The following FGF14 variants were observed in gnomAD, a reference collection of about 807,000 sequenced individuals.
FGF14 encodes fibroblast growth factor 14, also known as fibroblast growth factor homologous factor 4.
In FGF14, 5 loss-of-function variants were observed where a neutral mutation model predicts 25.5. The ratio of observed to expected loss-of-function variants is 0.20; its 90% CI spans 0.10 to 0.41. The LOEUF is 0.41. Ranked by LOEUF, FGF14 falls within the 10% of genes least tolerant of loss-of-function variation. FGF14 has a pLI of 1.00. For synonymous variants in FGF14, 138 were observed against 118.3 expected, an observed-to-expected ratio of 1.17 and a Z score of -1.08; for missense variants, 222 against 320.1, an observed-to-expected ratio of 0.69 and a Z score of 2.34.
chr13:101,972,126 A>G (rs2037633773), intron 1 of FGF14, among the ~76,000 whole-genome samples: 1 of 152,252 alleles, frequency 6.6e-6, no homozygotes, highest in African/African-American at 2.4e-5. Context: ...AATCAGACTC[A>G]GTACAATGGC....
At chr13:102,392,154 C>T (rs1216562562) in intron 1 of FGF14, among the ~76,000 whole-genome samples, 1 of 152,208 alleles carries the variant, frequency 6.6e-6, no homozygotes, top group South Asian at 2.1e-4. Flanking sequence ...GTGCAGACAA[C>T]AAAATGCTAC....
chr13:102,246,955 T>A (rs1386505906), intron 1 of FGF14, among the ~76,000 whole-genome samples: 1 of 152,022 alleles, frequency 6.6e-6, no homozygotes, highest in Non-Finnish European at 1.5e-5. Flanking sequence ...AACCATCTGA[T>A]CTTCAACAAA....
At chr13:101,823,010 T>G (rs2042230526) in intron 3 of FGF14, among the ~76,000 whole-genome samples, 1 of 152,224 alleles carries the variant, frequency 6.6e-6, no homozygotes, top group Middle Eastern at 3.2e-3. Context: ...ATTATTTCAC[T>G]TAGTATAATG....
chr13:101,850,464 A>AAGGC (rs1566310648), intron 3 of FGF14, among the ~76,000 whole-genome samples: 2 of 8,472 alleles, frequency 2.4e-4, no homozygotes, highest in Non-Finnish European at 4.1e-4. Context: ...TAAAGGCAAT[A>AAGGC]TATATATATA....
intron 1 of FGF14, among the ~76,000 whole-genome samples, chr13:102,189,700 T>C (rs990155659): frequency 6.6e-6 from 1 of 152,180 alleles, no homozygotes; most frequent in African/African-American, 2.4e-5. Context: ...GACTGGGTAA[T>C]GTATAACCAA....
chr13:102,193,016 C>A (rs2049190368), intron 1 of FGF14, among the ~76,000 whole-genome samples: 1 of 152,168 alleles, frequency 6.6e-6, no homozygotes. Context: ...CTATCCATTG[C>A]CCACTTCTAA....
At chr13:101,809,392 C>G (rs2041372318) in intron 3 of FGF14, among the ~76,000 whole-genome samples, 1 of 152,058 alleles carries the variant, frequency 6.6e-6, no homozygotes, top group Non-Finnish European at 1.5e-5. Flanking sequence ...TATCACACTG[C>G]CAGGCTCTCC....
intron 1 of FGF14, among the ~76,000 whole-genome samples, chr13:102,186,489 G>A (rs1013398053): frequency 6.6e-6 from 1 of 151,952 alleles, no homozygotes; most frequent in Admixed American, 6.6e-5. Context: ...TACATTAAAA[G>A]CAATAAAAAT....
At chr13:102,109,163 A>G (rs1383818407) in intron 1 of FGF14, among the ~76,000 whole-genome samples, 2 of 152,304 alleles carry the variant, frequency 1.3e-5, no homozygotes, top group Admixed American at 1.3e-4. Context: ...TGTGACCCTA[A>G]ATAGCTTTGA....
At chr13:102,071,434 T>C (rs1443727553) in intron 1 of FGF14, among the ~76,000 whole-genome samples, 2 of 152,252 alleles carry the variant, frequency 1.3e-5, no homozygotes, top group East Asian at 3.8e-4. Context: ...GTCATCAATT[T>C]GCCTCCAATT....
intron 1 of FGF14, among the ~76,000 whole-genome samples, chr13:102,176,468 C>T (rs1162658414): frequency 6.6e-6 from 1 of 152,072 alleles, no homozygotes; most frequent in Non-Finnish European, 1.5e-5. Flanking sequence ...CTATTGGTTA[C>T]AATGTTCACT....
At chr13:101,992,475 A>C (rs1050252281) in intron 1 of FGF14, among the ~76,000 whole-genome samples, 1 of 152,172 alleles carries the variant, frequency 6.6e-6, no homozygotes. Flanking sequence ...TAAATTATCC[A>C]AGCAAGAATC....
chr13:102,261,791 A>G (rs2052728373), intron 1 of FGF14, among the ~76,000 whole-genome samples: 1 of 152,234 alleles, frequency 6.6e-6, no homozygotes, highest in African/African-American at 2.4e-5. Flanking sequence ...AATAAAGAAG[A>G]AAATATTACC....
At chr13:101,881,042 T>C (rs945200320) in intron 1 of FGF14, among the ~76,000 whole-genome samples, 1 of 152,168 alleles carries the variant, frequency 6.6e-6, no homozygotes, top group African/African-American at 2.4e-5. Flanking sequence ...AGAGAATGAC[T>C]ATGGGCAAAG....
chr13:101,854,465 G>C (rs2140379246), intron 3 of FGF14, among the ~76,000 whole-genome samples: 1 of 152,176 alleles, frequency 6.6e-6, no homozygotes, highest in South Asian at 2.1e-4. Context: ...TTGAAATTCT[G>C]ACTTGTTCCT....
At chr13:101,830,195 A>G (rs972353356) in intron 3 of FGF14, among the ~76,000 whole-genome samples, 1 of 152,100 alleles carries the variant, frequency 6.6e-6, no homozygotes, top group Non-Finnish European at 1.5e-5. Context: ...GCTCTAGAGA[A>G]GTCTAGTAGC....
At chr13:102,196,892 G>A (rs767230615) in intron 1 of FGF14, among the ~76,000 whole-genome samples, 1 of 151,584 alleles carries the variant, frequency 6.6e-6, no homozygotes, top group Non-Finnish European at 1.5e-5. Flanking sequence ...GTGGAGACTA[G>A]AATGACTGTT....
At chr13:101,919,134 G>A (rs1465268850), upstream of FGF14, among the ~76,000 whole-genome samples, 1 of 152,104 alleles carries the variant, frequency 6.6e-6, no homozygotes, top group African/African-American at 2.4e-5. Flanking sequence ...ATAACTAAAT[G>A]GCTATTGAGT....
intron 3 of FGF14, among the ~76,000 whole-genome samples, chr13:101,755,005 T>C (rs1018430721): frequency 1.3e-5 from 2 of 152,148 alleles, no homozygotes; most frequent in Admixed American, 1.3e-4. Flanking sequence ...TCAACATTGT[T>C]GCAAGAAAAC....
Sources: allele counts gnomAD v4.1 joint callset (sites outside exome capture counted in the v4.1 genomes callset), GRCh38; gene constraint gnomAD v4.1.1; transcripts MANE v1.5; gene names NCBI Gene and HGNC (gene_info 2026-07-23, HGNC 2026-07-21).